The following AUTS2 variants were observed in gnomAD, a reference collection of about 807,000 sequenced individuals.
AUTS2 encodes autism susceptibility gene 2 protein.
Under a neutral mutation model 112.4 loss-of-function variants are expected in AUTS2, and 17 were observed. The observed-to-expected ratio is 0.15, with a 90% CI of 0.10 to 0.23. The LOEUF is 0.23. Among genes scored for constraint, AUTS2 ranks in the 10% least tolerant of loss-of-function variants. The pLI is 1.00. For synonymous variants in AUTS2, 751 were observed against 702.7 expected (o/e 1.07, Z -1.09); for missense variants, 1,510 against 1,701.6 (o/e 0.89, Z 1.98).
chr7:70,344,435 A>G (rs1217532884), intron 4 of AUTS2, among the ~76,000 whole-genome samples: 1 of 152,138 alleles, frequency 6.6e-6, no homozygotes, highest in South Asian at 2.1e-4. Flanking sequence ...GGTCATGCCC[A>G]GTTCAAATTC....
At chr7:69,686,722 T>C (rs1365721691) in intron 1 of AUTS2, among the ~76,000 whole-genome samples, 3 of 152,206 alleles carry the variant, frequency 2.0e-5, no homozygotes, top group Admixed American at 6.5e-5. Context: ...ACTACCTTTT[T>C]TTCTATAGAA....
intron 6 of AUTS2, among the ~76,000 whole-genome samples, chr7:70,734,172 G>A (rs536983737): frequency 6.6e-6 from 1 of 151,714 alleles, no homozygotes; most frequent in African/African-American, 2.4e-5. Flanking sequence ...GGGTGTGGTG[G>A]CTCACGCCTG....
At chr7:70,458,487 T>C (rs935898536) in intron 5 of AUTS2, among the ~76,000 whole-genome samples, 7 of 152,210 alleles carry the variant, frequency 4.6e-5, no homozygotes, top group African/African-American at 1.7e-4. Context: ...TAAAGCTGAC[T>C]CTCTTGTCTA....
chr7:70,035,699 G>T (rs1380507948), intron 2 of AUTS2, among the ~76,000 whole-genome samples: 6 of 152,110 alleles, frequency 3.9e-5, no homozygotes, highest in African/African-American at 1.4e-4. Context: ...GAACCAGCTG[G>T]TTCTTTATTC....
intron 1 of AUTS2, among the ~76,000 whole-genome samples, chr7:69,682,693 C>T (rs1286425880): frequency 6.6e-6 from 1 of 152,218 alleles, no homozygotes; most frequent in Non-Finnish European, 1.5e-5. Context: ...TGTGCAGTTA[C>T]TCAGCTGTTG....
At chr7:69,943,284 G>A (rs1467903202) in intron 2 of AUTS2, among the ~76,000 whole-genome samples, 1 of 152,118 alleles carries the variant, frequency 6.6e-6, no homozygotes, top group Non-Finnish European at 1.5e-5. Context: ...TTAGAACAAG[G>A]CCTGGAACAT....
intron 5 of AUTS2, among the ~76,000 whole-genome samples, chr7:70,689,173 A>G (rs931540841): frequency 6.6e-6 from 1 of 152,102 alleles, no homozygotes; most frequent in African/African-American, 2.4e-5. Context: ...CCTGGGAAAC[A>G]TGGCAAAACA....
intron 5 of AUTS2, among the ~76,000 whole-genome samples, chr7:70,638,508 G>A (rs553491346): frequency 6.6e-5 from 10 of 152,194 alleles, no homozygotes; most frequent in Non-Finnish European, 7.3e-5. Flanking sequence ...GAATTATGCC[G>A]TCGTTGGCAT....
At chr7:70,430,766 C>G (rs1450913208) in intron 4 of AUTS2, among the ~76,000 whole-genome samples, 2 of 151,630 alleles carry the variant, frequency 1.3e-5, no homozygotes, top group Non-Finnish European at 2.9e-5. Context: ...TCTAAATAAC[C>G]AGCACTGGGG....
intron 1 of AUTS2, among the ~76,000 whole-genome samples, chr7:69,676,101 T>C (rs1562803240): frequency 6.6e-6 from 1 of 152,178 alleles, no homozygotes; most frequent in South Asian, 2.1e-4. Context: ...CCAAAGGTTC[T>C]GGTGTTCAGA....
chr7:70,479,299 G>A (rs1288899489), intron 5 of AUTS2, among the ~76,000 whole-genome samples: 3 of 152,106 alleles, frequency 2.0e-5, no homozygotes, highest in African/African-American at 2.4e-5. Context: ...TTGTAAGGTT[G>A]GGGAAAGGAC....
At chr7:70,068,848 G>A (rs1802620815) in intron 2 of AUTS2, among the ~76,000 whole-genome samples, 1 of 152,076 alleles carries the variant, frequency 6.6e-6, no homozygotes, top group African/African-American at 2.4e-5. Flanking sequence ...CACTTGTTTT[G>A]CCTTGGGCAT....
chr7:70,611,687 CA>C lies in AUTS2; in HGVS notation c.691-86881del, dbSNP rs1804101053. Among the ~76,000 whole-genome samples, 3 of 152,206 alleles carry C rather than the reference CA, an allele frequency of 2.0e-5. No homozygotes were observed. The South Asian group carries it at 6.2e-4, about 31-fold the overall frequency. ...AGCAAGTCTTTTTGTTACAATTACG[CA>C]GTCACAATGGATAACTATCTGCACT... On this transcript the variant is annotated intron_variant, in intron 5 of 18. Transcript: ENST00000342771.
intron 1 of AUTS2, among the ~76,000 whole-genome samples, chr7:69,774,996 G>A (rs1350041967): frequency 6.6e-6 from 1 of 152,116 alleles, no homozygotes; most frequent in African/African-American, 2.4e-5. Context: ...ATAACTACTT[G>A]CAGAATAAAC....
intron 5 of AUTS2, among the ~76,000 whole-genome samples, chr7:70,484,994 G>A (rs3113257): frequency 0.79 from 120,618 of 152,162 alleles, 48,646 homozygotes; most frequent in African/African-American, 0.95. Context: ...AGATGTTGCC[G>A]TGGTTGTGGT....
chr7:70,313,121 C>T (rs189470790), intron 4 of AUTS2, among the ~76,000 whole-genome samples: 50 of 152,274 alleles, frequency 3.3e-4, no homozygotes, highest in Admixed American at 3.1e-3. Flanking sequence ...AAAAAACTTC[C>T]TCAGAATTAG....
intron 1 of AUTS2, among the ~76,000 whole-genome samples, chr7:69,703,979 G>A (rs1206791347): frequency 1.3e-5 from 2 of 152,104 alleles, no homozygotes; most frequent in African/African-American, 4.8e-5. Context: ...TTCATCTTGG[G>A]AGGTCACAAC....
chr7:70,617,181 A>G (rs569146772), intron 5 of AUTS2, among the ~76,000 whole-genome samples: 1 of 152,292 alleles, frequency 6.6e-6, no homozygotes, highest in African/African-American at 2.4e-5. Context: ...ACCTTCTAGC[A>G]TCACATTTGC....
intron 5 of AUTS2, among the ~76,000 whole-genome samples, chr7:70,468,065 A>G (rs1424303171): frequency 6.6e-6 from 1 of 152,112 alleles, no homozygotes; most frequent in African/African-American, 2.4e-5. Context: ...CAGCAGCCTT[A>G]TTTTGTTATT....
Sources: gnomAD v4.1 joint callset for allele counts (sites outside exome capture counted in the v4.1 genomes callset) on GRCh38, gnomAD v4.1.1 for gene constraint, MANE v1.5 for transcripts, NCBI Gene and HGNC (gene_info 2026-07-23, HGNC 2026-07-21) for gene names.